The following BLTP1 variants were observed in gnomAD, a reference collection of about 807,000 sequenced individuals.
BLTP1 encodes the protein bridge-like lipid transfer protein family member 1, also known as fragile site-associated protein.
At chr4:122,157,746 A>G in the BLTP1 span, among the ~76,000 whole-genome samples, 4 of 152,182 alleles carry the variant, frequency 2.6e-5, no homozygotes, top group Non-Finnish European at 5.9e-5. Flanking sequence ...TAGCTGCTGG[A>G]TGGAGACCAA....
chr4:122,246,200 A>G, the BLTP1 span: 2 of 1,608,138 alleles, frequency 1.2e-6, no homozygotes, highest in East Asian at 2.2e-5. Flanking sequence ...GCAGTCTACA[A>G]TAGGAACGAC....
chr4:122,243,206 C>A, the BLTP1 span: 1 of 965,058 alleles, frequency 1.0e-6, no homozygotes, highest in Non-Finnish European at 1.5e-6. Flanking sequence ...CAGCTCTTTT[C>A]TCTGCCATGG....
chr4:122,173,222 T>C, the BLTP1 span: 4 of 1,502,538 alleles, frequency 2.7e-6, no homozygotes, highest in African/African-American at 5.6e-5. Context: ...CATTTTTTGT[T>C]GCTATAACTG....
the BLTP1 span, among the ~76,000 whole-genome samples, chr4:122,231,391 ATTT>A: frequency 2.0e-5 from 3 of 151,216 alleles, no homozygotes; most frequent in African/African-American, 7.3e-5. Context: ...TAAAAACCAC[ATTT>A]GTTAGCTGTT....
the BLTP1 span, chr4:122,292,891 T>C: frequency 7.2e-5 from 14 of 194,576 alleles, no homozygotes; most frequent in East Asian, 1.7e-3. Context: ...CACAGGAAAA[T>C]TGGGGTACCT....
the BLTP1 span, chr4:122,175,878 T>A: frequency 6.3e-7 from 1 of 1,575,896 alleles, no homozygotes; most frequent in Non-Finnish European, 8.7e-7. Context: ...CATTTTTCGG[T>A]GGTGGAAAAT....
At chr4:122,359,690 G>A in the BLTP1 span, 1 of 1,611,550 alleles carries the variant, frequency 6.2e-7, no homozygotes, top group Non-Finnish European at 8.5e-7. Context: ...GAGATTTTAT[G>A]TGCAATACAT....
At chr4:122,361,367 C>T in the BLTP1 span, among the ~76,000 whole-genome samples, 1 of 152,148 alleles carries the variant, frequency 6.6e-6, no homozygotes, top group Non-Finnish European at 1.5e-5. Context: ...GTACAATCAG[C>T]AGCTCTATGT....
chr4:122,307,500 T>C, the BLTP1 span: 1 of 985,368 alleles, frequency 1.0e-6, no homozygotes, highest in Non-Finnish European at 1.2e-6. Flanking sequence ...TTGTTTCTGT[T>C]TAACAAACTC....
the BLTP1 span, among the ~76,000 whole-genome samples, chr4:122,195,853 T>C: frequency 6.6e-6 from 1 of 152,158 alleles, no homozygotes; most frequent in Non-Finnish European, 1.5e-5. Context: ...TTTTTCCCAG[T>C]CTTAATTTAT....
At chr4:122,195,022 C>T in the BLTP1 span, among the ~76,000 whole-genome samples, 37,930 of 152,140 alleles carry the variant, frequency 0.25, 5,688 homozygotes, top group South Asian at 0.48. Flanking sequence ...GTTTCCTCTT[C>T]TCCTTCCCTG....
the BLTP1 span, chr4:122,334,281 A>G: frequency 1.8e-5 from 24 of 1,344,204 alleles, no homozygotes; most frequent in South Asian, 2.6e-4. Flanking sequence ...ACATTTTTCT[A>G]TATTTCTTGA....
the BLTP1 span, among the ~76,000 whole-genome samples, chr4:122,215,004 C>G: frequency 6.6e-6 from 1 of 152,150 alleles, no homozygotes; most frequent in East Asian, 1.9e-4. Flanking sequence ...AGACATATAA[C>G]ATTAGACAAA....
the BLTP1 span, chr4:122,168,018 C>A: frequency 2.4e-6 from 1 of 417,928 alleles, no homozygotes; most frequent in Non-Finnish European, 3.2e-6. Flanking sequence ...GATTCTGTGT[C>A]TAGTGTTGCC....
chr4:122,288,999 T>A, the BLTP1 span: 1 of 1,368,556 alleles, frequency 7.3e-7, no homozygotes, highest in Non-Finnish European at 9.8e-7. Context: ...TAATTATCTC[T>A]TTTTTCCTCA....
the BLTP1 span, chr4:122,328,761 G>T: frequency 1.0e-6 from 1 of 983,250 alleles, no homozygotes; most frequent in Non-Finnish European, 1.2e-6. Flanking sequence ...ATGGATGAAA[G>T]ACTTAAGCAA....
the BLTP1 span, chr4:122,276,822 G>A: frequency 1.0e-6 from 1 of 975,240 alleles, no homozygotes; most frequent in Non-Finnish European, 1.2e-6. Flanking sequence ...TGAATTTTAT[G>A]TAATACCTAG....
chr4:122,227,397 C>G, the BLTP1 span: 2 of 984,792 alleles, frequency 2.0e-6, no homozygotes, highest in Non-Finnish European at 2.4e-6. Context: ...CAATGAAATG[C>G]CATAGTATTA....
chr4:122,189,084 A>AT, the BLTP1 span: 3 of 982,442 alleles, frequency 3.1e-6, no homozygotes, highest in Non-Finnish European at 3.6e-6. Flanking sequence ...ATAAATCAGG[A>AT]TTTTTTTGAA....
Sources: gnomAD v4.1 joint callset for allele counts (sites outside exome capture counted in the v4.1 genomes callset) on GRCh38, gnomAD v4.1.1 for gene constraint, MANE v1.5 for transcripts, NCBI Gene and HGNC (gene_info 2026-07-23, HGNC 2026-07-21) for gene names.